The following CLEC4C variants were observed in gnomAD, a reference collection of about 807,000 sequenced individuals.
CLEC4C encodes the protein C-type lectin domain family 4 member C, also known as C-type (calcium dependent, carbohydrate-recognition domain) lectin, superfamily member 11.
In CLEC4C, 17 loss-of-function variants were observed where a neutral mutation model predicts 27.7. The ratio of observed to expected loss-of-function variants is 0.61; its 90% CI spans 0.42 to 0.92. CLEC4C has a LOEUF of 0.92. Among genes scored for constraint, CLEC4C ranks in the 40% least tolerant of loss-of-function variants. CLEC4C has a pLI of 0.00. For missense variants in CLEC4C, 244 were observed against 257.3 expected (o/e 0.95, Z 0.35); for synonymous variants, 80 against 80.8 (o/e 0.99, Z 0.06).
chr12:7,744,723 T>A (rs755628681), intron 2 of CLEC4C, among the ~76,000 whole-genome samples: 46 of 152,186 alleles, frequency 3.0e-4, no homozygotes, highest in Non-Finnish European at 4.6e-4. Context: ...CAAGCGATCC[T>A]CCTGCCTCAA....
chr12:7,734,332 C>T (rs1255311176), intron 4 of CLEC4C, among the ~76,000 whole-genome samples: 5 of 152,046 alleles, frequency 3.3e-5, no homozygotes, highest in East Asian at 3.9e-4. Context: ...AAACTTTGTA[C>T]GGTTAGGCAA....
chr12:7,733,481 CTTT>C (rs762051121), intron 4 of CLEC4C, among the ~76,000 whole-genome samples: 7 of 119,812 alleles, frequency 5.8e-5, no homozygotes, highest in African/African-American at 6.2e-5. Flanking sequence ...CCAAGCTGGT[CTTT>C]TTTTTTTTTT....
At chr12:7,729,877 C>A in intron 5 of CLEC4C, 137 bp from the exon 6 acceptor site, 1 of 731,998 alleles carries the variant, frequency 1.4e-6, no homozygotes, top group Non-Finnish European at 2.3e-6. Context: ...TCTGCTGCCA[C>A]GTTTTGTAAA....
chr12:7,739,289 T>A (rs1177829025), intron 3 of CLEC4C, among the ~76,000 whole-genome samples: 1 of 151,938 alleles, frequency 6.6e-6, no homozygotes, highest in Non-Finnish European at 1.5e-5. Flanking sequence ...CTTTTTATAT[T>A]TTTAATAGAG....
chr12:7,738,934 G>A (rs1195074521), intron 3 of CLEC4C, among the ~76,000 whole-genome samples: 2 of 151,616 alleles, frequency 1.3e-5, no homozygotes, highest in Non-Finnish European at 1.5e-5. Context: ...TTTATGTTAG[G>A]TATATCTCCT....
At chr12:7,745,148 A>G (rs1388190797) in intron 2 of CLEC4C, among the ~76,000 whole-genome samples, 1 of 152,056 alleles carries the variant, frequency 6.6e-6, no homozygotes, top group Non-Finnish European at 1.5e-5. Context: ...CCAAGCTCCA[A>G]TTTGTGGTAT....
At chr12:7,741,033 G>A (rs1162239792) in intron 3 of CLEC4C, among the ~76,000 whole-genome samples, 3 of 152,016 alleles carry the variant, frequency 2.0e-5, no homozygotes, top group Non-Finnish European at 4.4e-5. Context: ...GTAGGGACAG[G>A]GTTTCACCGT....
At chr12:7,743,551 A>C (rs977559916) in intron 2 of CLEC4C, among the ~76,000 whole-genome samples, 1 of 143,692 alleles carries the variant, frequency 7.0e-6, no homozygotes, top group African/African-American at 2.5e-5. Context: ...CGCCCGGCTA[A>C]TTTTTTTTGT....
In CLEC4C at chr12:7,729,526, TAAA is replaced by T; in HGVS notation, c.*67_*69del. The T allele has an allele frequency of 6.8e-7, 1 of 1,471,140 alleles. No homozygotes were observed. Among genetic ancestry groups the T allele is most frequent in the East Asian group, 2.3e-5 (1 of 43,888 alleles). 91.1% of individuals were successfully genotyped at this position (1,471,140 alleles called of 1,614,324 possible). Reference sequence around the variant, plus strand: ...CCTTGTACAAAACTTACACATAAATTAAAAAATCAATTTAGCTTTCTACAACGG... The same window carrying T: ...CCTTGTACAAAACTTACACATAAATTAAATCAATTTAGCTTTCTACAACGG... On this transcript the variant is annotated 3_prime_UTR_variant, in exon 6 of 6. Transcript: ENST00000360345.
intron 2 of CLEC4C, among the ~76,000 whole-genome samples, chr12:7,743,471 G>A (rs1044955324): frequency 2.7e-5 from 4 of 150,742 alleles, no homozygotes; most frequent in Non-Finnish European, 4.4e-5. Context: ...TGCAAGCTCC[G>A]CCTCCTGGGT....
At chr12:7,731,478 C>T (rs949368046) in intron 4 of CLEC4C, among the ~76,000 whole-genome samples, 1 of 152,180 alleles carries the variant, frequency 6.6e-6, no homozygotes, top group African/African-American at 2.4e-5. Flanking sequence ...AGCCACCTTT[C>T]GTATTTCTTT....
rs1865006980 is a variant in CLEC4C, at chr12:7,747,364, C to G, written c.-16G>C. The G allele has an allele frequency of 6.2e-7, 1 of 1,613,568 alleles. No individual in the cohort carries two copies. Among genetic ancestry groups the G allele is most frequent in the African/African-American group, 1.3e-5 (1 of 74,828 alleles). ...CAGGCACCATTGTGTGTGCGCACAC[C>G]CTTTGGACTTCCTCTATCAGGTGGG... On this transcript the variant is annotated 5_prime_UTR_variant, in exon 1 of 6. Coordinates refer to ENST00000360345, the MANE Select transcript of CLEC4C (RefSeq NM_001371390.1).
chr12:7,732,362 TA>T (rs1864615802), intron 4 of CLEC4C, among the ~76,000 whole-genome samples: 1 of 149,510 alleles, frequency 6.7e-6, no homozygotes, highest in African/African-American at 2.5e-5. Context: ...TTTTTTTATT[TA>T]TTTTTTTGAG....
chr12:7,736,025 T>C (rs1864717543), intron 4 of CLEC4C, among the ~76,000 whole-genome samples: 1 of 152,160 alleles, frequency 6.6e-6, no homozygotes, highest in Non-Finnish European at 1.5e-5. Flanking sequence ...GGCTCACGCC[T>C]GTAATCCCAG....
At chr12:7,747,403 G>A (rs143782343), upstream of CLEC4C, 16 of 1,564,578 alleles carry the variant, frequency 1.0e-5, no homozygotes, top group Middle Eastern at 1.0e-3. Flanking sequence ...AGAAGCTCTT[G>A]TATCACTTTC....
At chr12:7,730,669 G>C (rs1313307739) in intron 5 of CLEC4C, 128 bp downstream of exon 5, 4 of 465,688 alleles carry the variant, frequency 8.6e-6, no homozygotes, top group African/African-American at 2.0e-5. Context: ...CACAACCCTT[G>C]ATGTCAAATA....
chr12:7,737,577 T>A lies in CLEC4C; in HGVS notation c.236-3A>T, dbSNP rs776516470. On this transcript the variant is annotated splice_region_variant and splice_polypyrimidine_tract_variant and intron_variant, in intron 3 of 5. Coordinates refer to ENST00000360345, the MANE Select transcript of CLEC4C (RefSeq NM_001371390.1). ...AGGGGTTGGGCAGCAGCTCCAATCT[T>A]CCCAAATGAGTATAGAAGAAGAAAA... 6.2e-7 allele frequency: 1 copy of A among 1,611,948 alleles called. No homozygotes were observed. Among genetic ancestry groups the A allele is most frequent in the Admixed American group, 1.7e-5 (1 of 59,570 alleles).
In CLEC4C at chr12:7,746,151, T is replaced by G. The variant is rs908326403; in HGVS notation, c.124+180A>C. ...AATGGCATGAACCCGGGAGGTGAGC[T>G]TGCAGTGAGCCGAGATCACGCCACT... On this transcript the variant is annotated intron_variant, in intron 2 of 5. Transcript: ENST00000360345. 8.7e-5 allele frequency among the ~76,000 whole-genome samples: 13 copies of G among 148,578 alleles called. 1 individual carries two copies. The highest frequency in any genetic ancestry group is 3.2e-4 in the African/African-American group (13 of 40,080).
chr12:7,743,545 C>T (rs1465527689), intron 2 of CLEC4C, among the ~76,000 whole-genome samples: 3 of 147,896 alleles, frequency 2.0e-5, no homozygotes, highest in Admixed American at 7.0e-5. Context: ...CCACCGCGCC[C>T]GGCTAATTTT....
Sources: gnomAD v4.1 joint callset for allele counts (sites outside exome capture counted in the v4.1 genomes callset) on GRCh38, gnomAD v4.1.1 for gene constraint, MANE v1.5 for transcripts, NCBI Gene and HGNC (gene_info 2026-07-23, HGNC 2026-07-21) for gene names.